YJU2B: variants seen among roughly 807,000 people sequenced by gnomAD.
The protein encoded by YJU2B is probable splicing factor YJU2B.
Under a neutral mutation model 38.0 loss-of-function variants are expected in YJU2B, and 18 were observed. That is an observed-to-expected ratio of 0.47 (90% confidence interval 0.33 to 0.70). The LOEUF (loss-of-function observed/expected upper bound fraction) is 0.70, where lower values mean the gene tolerates loss of function less well. Ranked by LOEUF, YJU2B falls within the 30% of genes least tolerant of loss-of-function variation. The pLI is 0.02. For missense variants in YJU2B, 538 were observed against 556.3 expected, an observed-to-expected ratio of 0.97 and a Z score of 0.33; for synonymous variants, 246 against 225.4, an observed-to-expected ratio of 1.09 and a Z score of -0.82.
chr19:13,762,807 G>T lies in YJU2B; in HGVS notation c.930G>T (p.Ala310=). The T allele has an allele frequency of 1.9e-6, 3 of 1,602,944 alleles. No homozygotes were observed. The highest frequency in any genetic ancestry group is 2.6e-6 in the Non-Finnish European group (3 of 1,175,786). The change falls in exon 10 of 10, where the codon GCG becomes GCT. Residue 310 remains alanine (A), a synonymous_variant. Transcript: ENST00000221554. The part of the protein sequence containing the change: ...SRDVPESPQH[A]ADTPKSGEPR... ...ACGTCCCGGAGAGCCCCCAGCATGC[G>T]GCCGACACCCCCAAGTCTGGGGAAC... is the stretch of plus-strand genomic sequence containing the variant.
At position 13,762,365 on chromosome 19, in the gene YJU2B, A is replaced by G; in HGVS notation, c.640A>G (p.Thr214Ala). 1 of 1,613,964 alleles carries G rather than the reference A, an allele frequency of 6.2e-7. No homozygotes were observed. Among genetic ancestry groups the G allele is most frequent in the Non-Finnish European group, 8.5e-7 (1 of 1,180,012 alleles). The stretch of plus-strand genomic sequence containing the variant: ...GGCCTTGCAGGCCAAGGCGAGCCTG[A>G]CCATCCCGCTGGTGCCCGAGACGGA... ...DQALQAKASL[T>A]IPLVPETEDD... The change falls in exon 9 of 10, where the codon ACC becomes GCC. Residue 214 changes from threonine (T) to alanine (A), a missense_variant. This residue lies in a region of YJU2B where 488 missense variants were observed against 469.5 expected (regional missense o/e 1.04). Coordinates refer to ENST00000221554, the MANE Select transcript of YJU2B (RefSeq NM_030818.4).
intron 1 of YJU2B, 121 bp from the exon 2 acceptor site, chr19:13,751,487 G>A (rs1216293310): frequency 1.1e-5 from 4 of 361,186 alleles, no homozygotes; most frequent in Admixed American, 4.4e-5. Flanking sequence ...AGAGAAGACC[G>A]TGCTGGCCCA....
chr19:13,759,282 G>T lies in YJU2B; in HGVS notation c.573+10G>T, dbSNP rs764399474. 3 of 1,593,822 alleles carry T rather than the reference G, an allele frequency of 1.9e-6. No homozygotes were observed. The highest frequency in any genetic ancestry group is 2.2e-5 in the South Asian group (2 of 89,056). On this transcript the variant is annotated intron_variant, in intron 8 of 9. Coordinates refer to ENST00000221554, the MANE Select transcript of YJU2B (RefSeq NM_030818.4). ...GCGGAGAAGGTTCCGGGTGAGGGGG[G>T]CTCCAGCCCGGGGTCAGAGAGGATG...
chr19:13,757,998 A>G, intron 6 of YJU2B, 152 bp downstream of exon 6: 1 of 642,814 alleles, frequency 1.6e-6, no homozygotes, highest in Non-Finnish European at 2.7e-6. Context: ...CACCCCCGCA[A>G]CCCTCCATGG....
chr19:13,757,366 C>T (rs1425520066), intron 4 of YJU2B, 52 bp from the exon 5 acceptor site: 18 of 1,529,816 alleles, frequency 1.2e-5, no homozygotes, highest in Non-Finnish European at 1.6e-5. Context: ...TGTGGAGACC[C>T]AGGGAGTGTC....
In YJU2B at chr19:13,762,671, G is replaced by A; in HGVS notation, c.794G>A (p.Ser265Asn). The change falls in exon 10 of 10, where the codon AGC becomes AAC. Residue 265 changes from serine (S) to asparagine (N), a missense_variant. By Grantham distance (46) the Ser-to-Asn change is conservative. Transcript: ENST00000221554. ...WFPSAPGSAS[S>N]SKVSGVLKKL... ...CCCTCTGCCCCCGGATCCGCCTCCA[G>A]CAGCAAGGTCAGCGGCGTCCTGAAG... 2 of 1,589,972 alleles carry A rather than the reference G, an allele frequency of 1.3e-6. No homozygotes were observed. Among genetic ancestry groups the A allele is most frequent in the Admixed American group, 1.7e-5 (1 of 57,416 alleles).
exon 1 of YJU2B, chr19:13,731,871 G>T (rs1325467656): frequency 2.6e-5 from 4 of 152,264 alleles, no homozygotes; most frequent in Non-Finnish European, 1.5e-5. Context: ...AACTTCTCTG[G>T]GTGCCCACGT....
intron 2 of YJU2B, among the ~76,000 whole-genome samples, chr19:13,754,087 G>A (rs546655839): frequency 6.6e-6 from 1 of 152,120 alleles, no homozygotes; most frequent in Non-Finnish European, 1.5e-5. Context: ...CAGGAGAATC[G>A]CCTGAACTCG....
Position 13,751,612 on chromosome 19 carries a change from G to A in YJU2B, c.-197G>A, listed in dbSNP as rs545021097. ...GGACTCTCTCTTTCTAAACAGACAC[G>A]CCGCTTTTTGGATGCCTCCTATGCC... On this transcript the variant is annotated 5_prime_UTR_variant, in exon 2 of 10. Coordinates refer to ENST00000221554, the MANE Select transcript of YJU2B (RefSeq NM_030818.4). 1.3e-4 allele frequency: 76 copies of A among 595,386 alleles called. No homozygotes were observed. Among genetic ancestry groups the A allele is most frequent in the South Asian group, 3.3e-4 (16 of 48,930 alleles). 36.9% of individuals were successfully genotyped at this position (595,386 alleles called of 1,614,324 possible).
chr19:13,749,684 G>C (rs956250819), intron 1 of YJU2B, among the ~76,000 whole-genome samples: 1 of 148,190 alleles, frequency 6.7e-6, no homozygotes, highest in Non-Finnish European at 1.5e-5. Context: ...CCAGGCTGGA[G>C]TGTGGTGGCG....
At position 13,759,268 on chromosome 19, in the gene YJU2B, T is replaced by G; in HGVS notation, c.569T>G (p.Phe190Cys). Reference protein sequence around the residue: ...FALNSMLRRRFREKKKAIQEE... With the variant: ...FALNSMLRRRCREKKKAIQEE... ...CTCAACAGCATGCTGCGGAGAAGGT[T>G]CCGGGTGAGGGGGGCTCCAGCCCGG... Residue 190 changes from phenylalanine (F) to cysteine (C), a missense_variant, in exon 8 of 10, where the codon TTC (phenylalanine) becomes TGC (cysteine). Physicochemically the swap from Phe to Cys is radical, Grantham distance 205. Transcript: ENST00000221554. 6.2e-7 allele frequency: 1 copy of G among 1,603,168 alleles called. No homozygotes were observed.
At chr19:13,753,207 G>T (rs977464797) in intron 2 of YJU2B, among the ~76,000 whole-genome samples, 2 of 152,132 alleles carry the variant, frequency 1.3e-5, no homozygotes, top group African/African-American at 4.8e-5. Flanking sequence ...TCCAGGTCCT[G>T]CCCCCTGAGG....
At chr19:13,748,628 G>A (rs1024672843) in intron 1 of YJU2B, among the ~76,000 whole-genome samples, 1 of 152,098 alleles carries the variant, frequency 6.6e-6, no homozygotes, top group Non-Finnish European at 1.5e-5. Flanking sequence ...GGCTCTTCCC[G>A]TGGGTTAGTT....
rs58141269 is a variant in YJU2B, at chr19:13,749,793, C to T, written c.-201-1815C>T. On this transcript the variant is annotated intron_variant, in intron 1 of 9. Coordinates refer to ENST00000221554, the MANE Select transcript of YJU2B (RefSeq NM_030818.4). ...GACTACAGGCACCCGCCACCACGCC[C>T]AGCTAATTTTTTGTATTTTTTAGTA... Among the ~76,000 whole-genome samples, 77 of 152,178 alleles carry T rather than the reference C, an allele frequency of 5.1e-4. No individual in the cohort carries two copies. In the East Asian group the frequency reaches 0.015, roughly 29 times the overall value.
chr19:13,751,593 T>C lies in YJU2B; in HGVS notation c.-201-15T>C. On this transcript the variant is annotated splice_polypyrimidine_tract_variant and intron_variant, in intron 1 of 9. Transcript: ENST00000221554. ...ATTGGCTGTAGAGTGGACGGGACTCTCTCTTTCTAAACAGACACGCCGCTT... is the reference window on the plus strand; with the variant it reads ...ATTGGCTGTAGAGTGGACGGGACTCCCTCTTTCTAAACAGACACGCCGCTT... The C allele has an allele frequency of 1.7e-6, 1 of 586,458 alleles. No homozygotes were observed. The highest frequency in any genetic ancestry group is 3.1e-6 in the Non-Finnish European group (1 of 322,978). The allele number at this position is 586,458 out of a possible 1,614,324, so 36.3% of individuals were successfully genotyped here.
chr19:13,754,896 T>C (rs1285479378), intron 3 of YJU2B, among the ~76,000 whole-genome samples: 2 of 152,082 alleles, frequency 1.3e-5, no homozygotes, highest in African/African-American at 4.8e-5. Context: ...TGTGGCTGTG[T>C]CCCCACACAG....
At chr19:13,747,222 T>G (rs1830943461), upstream of YJU2B, among the ~76,000 whole-genome samples, 1 of 152,194 alleles carries the variant, frequency 6.6e-6, no homozygotes, top group Non-Finnish European at 1.5e-5. Context: ...CCAAGTGCCC[T>G]TATTTTGAAG....
intron 2 of YJU2B, among the ~76,000 whole-genome samples, chr19:13,753,466 C>G (rs545744977): frequency 6.7e-6 from 1 of 149,384 alleles, no homozygotes; most frequent in Non-Finnish European, 1.5e-5. Context: ...CCCAGCTACT[C>G]GGGAGGCTGA....
chr19:13,752,690 G>A (rs1973515214), intron 2 of YJU2B, among the ~76,000 whole-genome samples: 1 of 152,060 alleles, frequency 6.6e-6, no homozygotes, highest in African/African-American at 2.4e-5. Flanking sequence ...GTTGCAGTGG[G>A]CTGAGAACAT....
Sources: allele counts gnomAD v4.1 joint callset (sites outside exome capture counted in the v4.1 genomes callset), GRCh38; gene constraint gnomAD v4.1.1; regional missense constraint gnomAD v4.1.1; transcripts MANE v1.5; gene names NCBI Gene and HGNC (gene_info 2026-07-23, HGNC 2026-07-21).